The following LRRC4C variants were observed in gnomAD, a reference collection of about 807,000 sequenced individuals.
LRRC4C encodes the protein leucine rich repeat containing 4C, also known as leucine-rich repeat-containing protein 4C.
Under a neutral mutation model 33.6 loss-of-function variants are expected in LRRC4C, and 5 were observed. The ratio of observed to expected loss-of-function variants is 0.15; its 90% CI spans 0.08 to 0.31. The LOEUF is 0.31. Among genes scored for constraint, LRRC4C ranks in the 10% least tolerant of loss-of-function variants. The pLI, the probability that LRRC4C is intolerant of heterozygous loss-of-function variation, is 1.00. For missense variants in LRRC4C, 560 were observed against 796.7 expected (o/e 0.70, Z 3.58); for synonymous variants, 329 against 302.0 (o/e 1.09, Z -0.93).
chr11:41,287,615 A>G (rs1364019535), intron 1 of LRRC4C, among the ~76,000 whole-genome samples: 2 of 152,208 alleles, frequency 1.3e-5, no homozygotes, highest in African/African-American at 4.8e-5. Flanking sequence ...GCTATTTTCA[A>G]TATTAATTAC....
At chr11:41,183,422 G>T (rs918886335) in intron 1 of LRRC4C, among the ~76,000 whole-genome samples, 2 of 152,134 alleles carry the variant, frequency 1.3e-5, no homozygotes, top group African/African-American at 4.8e-5. Flanking sequence ...GGAGAAACTG[G>T]CCAAAACAAA....
intron 1 of LRRC4C, among the ~76,000 whole-genome samples, chr11:41,368,785 C>A (rs1952637201): frequency 6.6e-6 from 1 of 152,174 alleles, no homozygotes; most frequent in Non-Finnish European, 1.5e-5. Flanking sequence ...TAAAGCTCTG[C>A]AGCAATTTTT....
chr11:41,432,285 C>T (rs775351243), intron 1 of LRRC4C, among the ~76,000 whole-genome samples: 102 of 152,122 alleles, frequency 6.7e-4, no homozygotes, highest in Non-Finnish European at 1.1e-3. Flanking sequence ...TTTAGCTTAA[C>T]GTTTTATTTG....
At chr11:41,000,581 T>C (rs1276856897) in intron 1 of LRRC4C, among the ~76,000 whole-genome samples, 1 of 152,176 alleles carries the variant, frequency 6.6e-6, no homozygotes, top group African/African-American at 2.4e-5. Context: ...CTTGTGAAGT[T>C]AGGTCTTATG....
chr11:40,939,565 G>A (rs1230332934), intron 1 of LRRC4C, among the ~76,000 whole-genome samples: 2 of 151,968 alleles, frequency 1.3e-5, no homozygotes, highest in East Asian at 1.9e-4. Context: ...GCACTCTTTC[G>A]GCACCTGGGG....
intron 1 of LRRC4C, among the ~76,000 whole-genome samples, chr11:41,214,606 C>T (rs1294937287): frequency 3.0e-5 from 4 of 131,862 alleles, no homozygotes; most frequent in Admixed American, 2.2e-4. Context: ...AAAAATTAGC[C>T]GGGCGTGGTG....
At chr11:41,455,924 A>G (rs983836126) in intron 1 of LRRC4C, among the ~76,000 whole-genome samples, 3 of 151,774 alleles carry the variant, frequency 2.0e-5, no homozygotes, top group Non-Finnish European at 4.4e-5. Context: ...AGCCTCCACC[A>G]CTCCCCATTT....
chr11:40,494,790 T>C (rs1055685003), intron 3 of LRRC4C, among the ~76,000 whole-genome samples: 7 of 152,216 alleles, frequency 4.6e-5, no homozygotes, highest in African/African-American at 1.7e-4. Flanking sequence ...CACAGCTTTT[T>C]TACTTGGATA....
chr11:40,342,251 A>G (rs995086513), intron 3 of LRRC4C, among the ~76,000 whole-genome samples: 3 of 152,144 alleles, frequency 2.0e-5, no homozygotes, highest in Admixed American at 6.6e-5. Flanking sequence ...TGGGTGGATC[A>G]TGAGGTCAAC....
intron 1 of LRRC4C, among the ~76,000 whole-genome samples, chr11:41,167,961 C>A (rs1427852194): frequency 6.6e-6 from 1 of 152,138 alleles, no homozygotes; most frequent in Non-Finnish European, 1.5e-5. Flanking sequence ...AAATGCAAAT[C>A]AAGTGGTCCA....
At chr11:40,223,999 C>T (rs1186536359) in intron 5 of LRRC4C, among the ~76,000 whole-genome samples, 1 of 152,112 alleles carries the variant, frequency 6.6e-6, no homozygotes, top group Non-Finnish European at 1.5e-5. Flanking sequence ...TTTAAATGCA[C>T]TGAGATATGT....
At chr11:40,736,301 A>T (rs978010137) in intron 2 of LRRC4C, among the ~76,000 whole-genome samples, 1 of 151,912 alleles carries the variant, frequency 6.6e-6, no homozygotes, top group Admixed American at 6.6e-5. Flanking sequence ...GCTGAGAAGG[A>T]TGGTTTCCAG....
chr11:41,025,445 C>T (rs1025026248), intron 1 of LRRC4C, among the ~76,000 whole-genome samples: 1 of 151,308 alleles, frequency 6.6e-6, no homozygotes, highest in Non-Finnish European at 1.5e-5. Context: ...TCAAGCAAAC[C>T]ACAACATTCC....
At chr11:41,091,127 T>C (rs2135546474) in intron 1 of LRRC4C, among the ~76,000 whole-genome samples, 1 of 152,208 alleles carries the variant, frequency 6.6e-6, no homozygotes, top group Admixed American at 6.5e-5. Context: ...TACACTAAAC[T>C]GTCTCTGTTG....
chr11:40,765,422 G>A (rs897553539), intron 2 of LRRC4C, among the ~76,000 whole-genome samples: 2 of 152,066 alleles, frequency 1.3e-5, no homozygotes, highest in African/African-American at 4.8e-5. Flanking sequence ...AGAACCATAA[G>A]CCAATTAAAC....
chr11:40,857,169 C>T (rs752116190), intron 2 of LRRC4C, among the ~76,000 whole-genome samples: 1 of 152,168 alleles, frequency 6.6e-6, no homozygotes, highest in African/African-American at 2.4e-5. Context: ...TAATTTTACA[C>T]TTGTTATTTG....
chr11:41,314,120 AAC>A lies in LRRC4C; in HGVS notation c.-496+145309_-496+145310del, dbSNP rs1484616635. Among the ~76,000 whole-genome samples, 5 of 152,292 alleles carry A rather than the reference AAC, an allele frequency of 3.3e-5. No homozygotes were observed. In the South Asian group the frequency reaches 1.0e-3, roughly 32 times the overall value. On this transcript the variant is annotated intron_variant, in intron 1 of 6. Coordinates refer to ENST00000528697, the MANE Select transcript of LRRC4C (RefSeq NM_001258419.2). Reference sequence around the variant, plus strand: ...GGAGAATGAAGAAATACACACTTAAAACACACAATAGGAGAGGGTGGAGAATG... The same window carrying A: ...GGAGAATGAAGAAATACACACTTAAAACACAATAGGAGAGGGTGGAGAATG...
chr11:40,434,957 A>T (rs1478832286), intron 3 of LRRC4C, among the ~76,000 whole-genome samples: 5 of 152,158 alleles, frequency 3.3e-5, no homozygotes, highest in Admixed American at 6.5e-5. Flanking sequence ...TTATTAGTTG[A>T]CCACTAACCT....
intron 2 of LRRC4C, among the ~76,000 whole-genome samples, chr11:40,815,019 TG>T (rs1303293928): frequency 1.3e-5 from 2 of 152,178 alleles, no homozygotes; most frequent in African/African-American, 2.4e-5. Context: ...TCCACATTTT[TG>T]GGTATCTTTC....
Sources: allele counts gnomAD v4.1 joint callset (sites outside exome capture counted in the v4.1 genomes callset), GRCh38; gene constraint gnomAD v4.1.1; transcripts MANE v1.5; gene names NCBI Gene and HGNC (gene_info 2026-07-23, HGNC 2026-07-21).